The following PTPRK variants were observed in gnomAD, a reference collection of about 807,000 sequenced individuals.
The protein encoded by PTPRK is receptor-type tyrosine-protein phosphatase kappa.
PTPRK carries 75 observed loss-of-function variants against 178.0 expected under a neutral mutation model. The ratio of observed to expected loss-of-function variants is 0.42; its 90% CI spans 0.35 to 0.51. PTPRK has a LOEUF of 0.51. PTPRK is among the 20% of genes least tolerant of loss of function. The pLI is 0.02. For missense variants in PTPRK, 1,441 were observed against 1,797.8 expected, an observed-to-expected ratio of 0.80 and a Z score of 3.59; for synonymous variants, 637 against 620.6, an observed-to-expected ratio of 1.03 and a Z score of -0.39.
intron 7 of PTPRK, among the ~76,000 whole-genome samples, chr6:128,135,978 T>C (rs1794961655): frequency 6.6e-6 from 1 of 152,236 alleles, no homozygotes. Flanking sequence ...AGCCGTAACC[T>C]AACTCCTAAT....
Position 128,184,460 on chromosome 6 carries a change from A to G in PTPRK, c.1134T>C (p.Pro378=). The G allele has an allele frequency of 1.2e-6, 2 of 1,613,620 alleles. No homozygotes were observed. The highest frequency in any genetic ancestry group is 1.7e-6 in the Non-Finnish European group (2 of 1,179,756). ...CACATTTTGTTCTGGTGATTAGTGGAGGTCCTGGGAGCCCCGTTCCACCTT... is the reference window on the plus strand; with the variant it reads ...CACATTTTGTTCTGGTGATTAGTGGGGGTCCTGGGAGCCCCGTTCCACCTT... ...PGEGGTGLPG[P]PLITRTKCAE... The change falls in exon 7 of 30, where the codon CCT becomes CCC. Residue 378 remains proline, a synonymous_variant. Coordinates refer to ENST00000368226, the MANE Select transcript of PTPRK (RefSeq NM_002844.4).
rs191518083 is a variant in PTPRK at position 128,311,000 on chromosome 6, A to G, written c.495+11039T>C. ...CATCCTTCAGCTTTTATTATAAGGG[A>G]AAGTTCCCCCGGGATCCCAGCAGAA... On this transcript the variant is annotated intron_variant, in intron 3 of 29. Coordinates refer to ENST00000368226, the MANE Select transcript of PTPRK (RefSeq NM_002844.4). 2.4e-4 allele frequency among the ~76,000 whole-genome samples: 37 copies of G among 152,294 alleles called. 1 individual carries two copies. The East Asian group carries it at 7.1e-3, about 29-fold the overall frequency.
At chr6:128,409,066 T>C (rs969211428) in intron 1 of PTPRK, among the ~76,000 whole-genome samples, 5 of 152,178 alleles carry the variant, frequency 3.3e-5, no homozygotes, top group Non-Finnish European at 7.3e-5. Flanking sequence ...ATAGGAGATA[T>C]GTGACATAAA....
chr6:128,454,810 G>T (rs1045596720), intron 1 of PTPRK, among the ~76,000 whole-genome samples: 1 of 152,018 alleles, frequency 6.6e-6, no homozygotes, highest in African/African-American at 2.4e-5. Context: ...CTCATGATAA[G>T]TTTACTCAGC....
intron 6 of PTPRK, among the ~76,000 whole-genome samples, chr6:128,195,457 C>T (rs1345666577): frequency 6.6e-6 from 1 of 151,046 alleles, no homozygotes; most frequent in East Asian, 1.9e-4. Context: ...CACTCAATGA[C>T]CCTGGTTTCC....
intron 5 of PTPRK, chr6:128,235,275 A>T (rs1423747844): frequency 6.6e-6 from 1 of 152,022 alleles, no homozygotes; most frequent in Non-Finnish European, 1.5e-5. Flanking sequence ...CTGAAAATAA[A>T]TAATTCAAAA....
chr6:128,045,132 A>G (rs1777836039), intron 13 of PTPRK, among the ~76,000 whole-genome samples: 1 of 152,086 alleles, frequency 6.6e-6, no homozygotes, highest in African/African-American at 2.4e-5. Context: ...TCCACAAGTC[A>G]TCATCGCTGT....
intron 7 of PTPRK, 32 bp downstream of exon 7, chr6:128,184,400 C>T (rs1367972582): frequency 6.2e-7 from 1 of 1,600,444 alleles, no homozygotes; most frequent in South Asian, 1.1e-5. Flanking sequence ...GATTCCTTCA[C>T]AAGGTAGAAA....
At chr6:128,373,812 G>GAAT (rs1421070521) in intron 2 of PTPRK, among the ~76,000 whole-genome samples, 1 of 152,022 alleles carries the variant, frequency 6.6e-6, no homozygotes, top group Non-Finnish European at 1.5e-5. Flanking sequence ...GCCTGCCCAT[G>GAAT]AATACCCTTT....
At chr6:128,081,852 T>A (rs986729448) in intron 10 of PTPRK, among the ~76,000 whole-genome samples, 1 of 152,076 alleles carries the variant, frequency 6.6e-6, no homozygotes, top group Non-Finnish European at 1.5e-5. Flanking sequence ...AACAATCTAG[T>A]CAAATACAAA....
At chr6:128,390,657 G>C (rs958128069) in intron 2 of PTPRK, among the ~76,000 whole-genome samples, 2 of 152,118 alleles carry the variant, frequency 1.3e-5, no homozygotes, top group Non-Finnish European at 2.9e-5. Context: ...TTTTATATTA[G>C]ACAGACAGAT....
intron 2 of PTPRK, among the ~76,000 whole-genome samples, chr6:128,388,455 T>A (rs1024278250): frequency 6.6e-6 from 1 of 152,198 alleles, no homozygotes. Flanking sequence ...TAGCCTTCCT[T>A]ATGGTTTAAA....
At chr6:128,497,574 A>G (rs1423406548) in intron 1 of PTPRK, among the ~76,000 whole-genome samples, 1 of 152,214 alleles carries the variant, frequency 6.6e-6, no homozygotes, top group Non-Finnish European at 1.5e-5. Flanking sequence ...TCAAAGTGAG[A>G]GGGTCACCCA....
intron 1 of PTPRK, among the ~76,000 whole-genome samples, chr6:128,468,082 C>T (rs1850113028): frequency 6.6e-6 from 1 of 152,212 alleles, no homozygotes; most frequent in Admixed American, 6.5e-5. Context: ...TGCTTATATT[C>T]AGTATCCTGC....
chr6:128,142,560 A>G (rs2114516690), intron 7 of PTPRK, among the ~76,000 whole-genome samples: 1 of 151,714 alleles, frequency 6.6e-6, no homozygotes, highest in South Asian at 2.1e-4. Flanking sequence ...TAATATATAT[A>G]TACACACACA....
chr6:128,033,023 G>A (rs1330373069), intron 13 of PTPRK, among the ~76,000 whole-genome samples: 1 of 152,168 alleles, frequency 6.6e-6, no homozygotes, highest in Non-Finnish European at 1.5e-5. Flanking sequence ...CTGTTTTTAT[G>A]TCTGAATAGC....
intron 13 of PTPRK, among the ~76,000 whole-genome samples, chr6:128,035,884 G>C (rs1776127159): frequency 5.3e-5 from 8 of 152,180 alleles, no homozygotes; most frequent in Admixed American, 5.2e-4. Context: ...GTTGCATTTG[G>C]TGATTCTCAG....
intron 13 of PTPRK, among the ~76,000 whole-genome samples, chr6:128,049,022 T>C (rs1031193443): frequency 5.3e-5 from 8 of 152,092 alleles, no homozygotes; most frequent in Non-Finnish European, 1.0e-4. Context: ...GATATCCAAA[T>C]GAAATCAGAA....
intron 2 of PTPRK, among the ~76,000 whole-genome samples, chr6:128,370,686 T>C (rs1380504719): frequency 6.6e-6 from 1 of 152,138 alleles, no homozygotes; most frequent in Non-Finnish European, 1.5e-5. Flanking sequence ...TCAAAAATCA[T>C]CATTTGTAAA....
Sources: allele counts gnomAD v4.1 joint callset (sites outside exome capture counted in the v4.1 genomes callset), GRCh38; gene constraint gnomAD v4.1.1; transcripts MANE v1.5; gene names NCBI Gene and HGNC (gene_info 2026-07-23, HGNC 2026-07-21).